PHACTR1: variants seen among roughly 807,000 people sequenced by gnomAD.
The protein encoded by PHACTR1 is RPEL repeat containing 1.
In PHACTR1, 16 loss-of-function variants were observed where a neutral mutation model predicts 69.2. The ratio of observed to expected loss-of-function variants is 0.23; its 90% CI spans 0.16 to 0.35. The LOEUF (loss-of-function observed/expected upper bound fraction) is 0.35. PHACTR1 is among the 10% of genes least tolerant of loss of function. The pLI is 1.00. For missense variants in PHACTR1, 510 were observed against 734.7 expected (o/e 0.69, Z 3.54); for synonymous variants, 312 against 284.5 (o/e 1.10, Z -0.97).
chr6:12,841,738 A>C (rs1193714422), intron 4 of PHACTR1, among the ~76,000 whole-genome samples: 1 of 152,210 alleles, frequency 6.6e-6, no homozygotes, highest in Non-Finnish European at 1.5e-5. Flanking sequence ...CAATTGAAAG[A>C]GTTGGCCAAG....
intron 4 of PHACTR1, among the ~76,000 whole-genome samples, chr6:12,963,243 G>C (rs907956893): frequency 6.6e-6 from 1 of 152,158 alleles, no homozygotes; most frequent in South Asian, 2.1e-4. Context: ...AACAAGAGTA[G>C]AGCAGGTGAT....
At chr6:13,056,625 C>G (rs1806827861) in intron 5 of PHACTR1, among the ~76,000 whole-genome samples, 1 of 152,176 alleles carries the variant, frequency 6.6e-6, no homozygotes, top group Admixed American at 6.5e-5. Context: ...ATAGGGACCA[C>G]TGCAATAGGG....
intron 4 of PHACTR1, among the ~76,000 whole-genome samples, chr6:12,937,247 G>C (rs1055259883): frequency 3.3e-5 from 5 of 152,028 alleles, no homozygotes; most frequent in African/African-American, 1.2e-4. Context: ...ACCACACAAA[G>C]ACAATAATAA....
chr6:13,073,272 G>A (rs1016529857), intron 5 of PHACTR1, among the ~76,000 whole-genome samples: 1 of 146,496 alleles, frequency 6.8e-6, no homozygotes, highest in Non-Finnish European at 1.5e-5. Context: ...TGTTTCTTAG[G>A]TAGTTCCCTA....
chr6:13,159,243 C>T (rs554964670), intron 5 of PHACTR1, among the ~76,000 whole-genome samples: 1 of 152,206 alleles, frequency 6.6e-6, no homozygotes, highest in South Asian at 2.1e-4. Context: ...GTTCCTTCTC[C>T]ATTTGGCTGT....
chr6:12,781,319 C>T (rs1338458365), intron 4 of PHACTR1, among the ~76,000 whole-genome samples: 2 of 152,114 alleles, frequency 1.3e-5, no homozygotes, highest in Admixed American at 1.3e-4. Context: ...AACTTGTGCA[C>T]CTGCTGTCAG....
At chr6:12,797,180 T>A (rs193267826) in intron 4 of PHACTR1, among the ~76,000 whole-genome samples, 92 of 152,142 alleles carry the variant, frequency 6.0e-4, no homozygotes, top group African/African-American at 2.1e-3. Context: ...CGGGACAGAT[T>A]GATAACATGA....
intron 5 of PHACTR1, among the ~76,000 whole-genome samples, chr6:13,058,248 T>C (rs1208946497): frequency 1.3e-5 from 2 of 152,170 alleles, no homozygotes; most frequent in African/African-American, 4.8e-5. Context: ...AAATGAGGAC[T>C]GTATTTATAG....
At chr6:13,218,090 G>A (rs1473574918) in intron 8 of PHACTR1, among the ~76,000 whole-genome samples, 1 of 151,980 alleles carries the variant, frequency 6.6e-6, no homozygotes. Flanking sequence ...TTTTAACAGT[G>A]GATGCATTTA....
intron 4 of PHACTR1, among the ~76,000 whole-genome samples, chr6:12,909,802 A>T (rs778746935): frequency 2.0e-5 from 3 of 152,198 alleles, no homozygotes; most frequent in Non-Finnish European, 4.4e-5. Context: ...GACCTCCCCC[A>T]TGAATATTTG....
chr6:12,843,775 G>A (rs1179462647), intron 4 of PHACTR1, among the ~76,000 whole-genome samples: 1 of 152,166 alleles, frequency 6.6e-6, no homozygotes, highest in Non-Finnish European at 1.5e-5. Context: ...CTTCATAGTA[G>A]GTATGACATG....
chr6:13,029,649 C>T (rs935280712), intron 4 of PHACTR1, among the ~76,000 whole-genome samples: 3 of 152,112 alleles, frequency 2.0e-5, no homozygotes, highest in Non-Finnish European at 4.4e-5. Flanking sequence ...GTTGACATTA[C>T]ATATTATTGA....
chr6:12,829,686 G>T (rs1010192184), intron 4 of PHACTR1, among the ~76,000 whole-genome samples: 18 of 151,940 alleles, frequency 1.2e-4, no homozygotes, highest in Admixed American at 1.0e-3. Context: ...CAGGCGCGGT[G>T]GCTCATGCCT....
At chr6:13,261,242 C>T (rs1312391080) in intron 10 of PHACTR1, among the ~76,000 whole-genome samples, 5 of 152,134 alleles carry the variant, frequency 3.3e-5, no homozygotes, top group South Asian at 4.2e-4. Flanking sequence ...AAGAGGCTGG[C>T]GTAGGAGGAC....
intron 4 of PHACTR1, among the ~76,000 whole-genome samples, chr6:12,859,267 A>T (rs1209987073): frequency 6.6e-6 from 1 of 152,168 alleles, no homozygotes; most frequent in East Asian, 1.9e-4. Context: ...TACCCTACAC[A>T]TACTTTTTTT....
At chr6:13,242,454 T>C (rs1030228966) in intron 10 of PHACTR1, among the ~76,000 whole-genome samples, 1 of 152,200 alleles carries the variant, frequency 6.6e-6, no homozygotes, top group Non-Finnish European at 1.5e-5. Flanking sequence ...AGAGACTTGA[T>C]TAAAAGACTT....
chr6:12,782,309 T>G (rs1394149409), intron 4 of PHACTR1, among the ~76,000 whole-genome samples: 1 of 152,138 alleles, frequency 6.6e-6, no homozygotes, highest in African/African-American at 2.4e-5. Flanking sequence ...ATACTAGTTC[T>G]GGCTACTCTC....
chr6:13,025,324 A>G (rs1245945042), intron 4 of PHACTR1, among the ~76,000 whole-genome samples: 2 of 152,206 alleles, frequency 1.3e-5, no homozygotes, highest in Admixed American at 1.3e-4. Context: ...CATATAATAG[A>G]AGAGTTATTC....
At chr6:13,132,182 G>A (rs1388487839) in intron 5 of PHACTR1, among the ~76,000 whole-genome samples, 1 of 152,146 alleles carries the variant, frequency 6.6e-6, no homozygotes, top group African/African-American at 2.4e-5. Flanking sequence ...ATAACTCAGT[G>A]GGAGAACTGG....
Sources: allele counts gnomAD v4.1 joint callset (sites outside exome capture counted in the v4.1 genomes callset), GRCh38; gene constraint gnomAD v4.1.1; transcripts MANE v1.5; gene names NCBI Gene and HGNC (gene_info 2026-07-23, HGNC 2026-07-21).